Variants in PPP2R2C observed in about 807,000 individuals in gnomAD.
The protein encoded by PPP2R2C is protein phosphatase 2, regulatory subunit B, gamma.
PPP2R2C carries 10 observed loss-of-function variants against 45.3 expected under a neutral mutation model. That is an observed-to-expected ratio of 0.22 (90% CI 0.14 to 0.37). PPP2R2C has a LOEUF of 0.37. PPP2R2C is among the 10% of genes least tolerant of loss of function. The probability of loss-of-function intolerance (pLI) is 1.00; values close to 1 mark genes in which losing one functional copy is unlikely to be tolerated. For synonymous variants in PPP2R2C, 257 were observed against 245.4 expected (o/e 1.05, Z -0.44); for missense variants, 308 against 619.7 (o/e 0.50, Z 5.34).
chr4:6,392,498 A>C (rs1716715262), intron 1 of PPP2R2C, among the ~76,000 whole-genome samples: 1 of 152,200 alleles, frequency 6.6e-6, no homozygotes, highest in Non-Finnish European at 1.5e-5. Context: ...GGGGAGACGC[A>C]TTTGAGCAGA....
At chr4:6,379,605 C>A (rs1368147427) in intron 2 of PPP2R2C, among the ~76,000 whole-genome samples, 1 of 152,244 alleles carries the variant, frequency 6.6e-6, no homozygotes, top group East Asian at 1.9e-4. Flanking sequence ...CGATCTCTTT[C>A]TGCAGCTTGG....
At chr4:6,455,548 C>A (rs947291406) in intron 1 of PPP2R2C, among the ~76,000 whole-genome samples, 1 of 152,186 alleles carries the variant, frequency 6.6e-6, no homozygotes, top group African/African-American at 2.4e-5. Context: ...CTCTCCACCC[C>A]ACAACGTTCA....
chr4:6,409,935 A>G (rs958429960), intron 1 of PPP2R2C, among the ~76,000 whole-genome samples: 13 of 152,202 alleles, frequency 8.5e-5, no homozygotes, highest in African/African-American at 2.9e-4. Context: ...TTCACCTCCA[A>G]CTGAGGCCTT....
chr4:6,378,338 T>C lies in PPP2R2C; in HGVS notation c.334+69A>G. 6.2e-7 allele frequency: 1 copy of C among 1,605,778 alleles called. No homozygotes were observed. The highest frequency in any genetic ancestry group is 1.1e-5 in the South Asian group (1 of 90,112). ...AAAAATGCTCACAATATAAGTGAAA[T>C]ACAAACCAGCATTTGGTAGAAACAT... On this transcript the variant is annotated intron_variant, in intron 3 of 8. Transcript: ENST00000382599. This position sits in a 1 kb window ranked among gnomAD's most constrained non-coding sequence, Gnocchi z 5.2.
At chr4:6,440,746 A>C (rs1263777816) in intron 1 of PPP2R2C, among the ~76,000 whole-genome samples, 2 of 152,148 alleles carry the variant, frequency 1.3e-5, no homozygotes, top group Non-Finnish European at 2.9e-5. Flanking sequence ...CTGAGTCTGT[A>C]TCTCACCATG....
intron 2 of PPP2R2C, among the ~76,000 whole-genome samples, chr4:6,491,513 G>A (rs1722699119): frequency 6.6e-6 from 1 of 152,242 alleles, no homozygotes; most frequent in African/African-American, 2.4e-5. Context: ...TCAAACAGGA[G>A]GGTGGCAAGG....
At chr4:6,397,227 A>C (rs1382819072) in intron 1 of PPP2R2C, among the ~76,000 whole-genome samples, 2 of 152,112 alleles carry the variant, frequency 1.3e-5, no homozygotes. Context: ...GCCCCTACCC[A>C]TGCCATCCCG....
At chr4:6,537,760 C>T (rs1639451775) in intron 1 of PPP2R2C, among the ~76,000 whole-genome samples, 1 of 152,086 alleles carries the variant, frequency 6.6e-6, no homozygotes, top group African/African-American at 2.4e-5. Flanking sequence ...CTATGTTAGC[C>T]AGGATGGTCT....
chr4:6,540,735 G>T (rs1480385754), intron 1 of PPP2R2C, among the ~76,000 whole-genome samples: 6 of 150,030 alleles, frequency 4.0e-5, no homozygotes, highest in Non-Finnish European at 7.3e-5. Context: ...CATGAAGATG[G>T]GTGTGCTCAG....
At chr4:6,354,121 G>T (rs1188532542) in intron 5 of PPP2R2C, among the ~76,000 whole-genome samples, 2 of 150,484 alleles carry the variant, frequency 1.3e-5, no homozygotes. Context: ...CTCAGCCCAG[G>T]CCATCAGCAT....
rs936667703 is a variant in PPP2R2C at position 6,368,742 on chromosome 4, T to C, written c.625+3781A>G. ...CCGCCTCCCACCCGTGGCCACGCTC[T>C]GGCCCTGCCTCTCACTCTCTCTCCC... On this transcript the variant is annotated intron_variant, in intron 5 of 8. Coordinates refer to ENST00000382599, the MANE Select transcript of PPP2R2C (RefSeq NM_020416.4). The surrounding 1 kb of genome is among the most constrained non-coding windows in gnomAD (Gnocchi z 4.2). 1.3e-5 allele frequency among the ~76,000 whole-genome samples: 2 copies of C among 152,154 alleles called. No homozygotes were observed. The highest frequency in any genetic ancestry group is 2.9e-5 in the Non-Finnish European group (2 of 68,018).
At chr4:6,466,076 C>G (rs1318689571) in intron 1 of PPP2R2C, among the ~76,000 whole-genome samples, 1 of 152,218 alleles carries the variant, frequency 6.6e-6, no homozygotes, top group Non-Finnish European at 1.5e-5. Context: ...ATGAGAACAT[C>G]AATGCCTTGG....
rs1485289537 is a variant in PPP2R2C, at chr4:6,368,851, C to T, written c.625+3672G>A. Among the ~76,000 whole-genome samples, 1 of 152,160 alleles carries T rather than the reference C, an allele frequency of 6.6e-6. No homozygotes were observed. The highest frequency in any genetic ancestry group is 2.4e-5 in the African/African-American group (1 of 41,442). On this transcript the variant is annotated intron_variant, in intron 5 of 8. Transcript: ENST00000382599. This position sits in a 1 kb window ranked among gnomAD's most constrained non-coding sequence, Gnocchi z 4.2. ...ACGACACACACCCACGACATACACA[C>T]CTCCAAAGCTGGCTAGTGACACGCC...
intron 1 of PPP2R2C, among the ~76,000 whole-genome samples, chr4:6,419,468 G>T (rs893469221): frequency 1.3e-5 from 2 of 151,808 alleles, no homozygotes; most frequent in African/African-American, 4.8e-5. Context: ...GAAAAGAAAA[G>T]AAAAATATGC....
chr4:6,506,192 A>C (rs926518792), intron 2 of PPP2R2C, among the ~76,000 whole-genome samples: 53 of 152,154 alleles, frequency 3.5e-4, no homozygotes, highest in Non-Finnish European at 1.2e-4. Flanking sequence ...GATAATGGAC[A>C]ACTGATTGAA....
At chr4:6,466,215 A>G (rs34975943) in intron 1 of PPP2R2C, among the ~76,000 whole-genome samples, 74,648 of 152,106 alleles carry the variant, frequency 0.49, 20,874 homozygotes, top group Non-Finnish European at 0.65. Flanking sequence ...GGGAGCCAAT[A>G]TGTGTAACCA....
Position 6,472,390 on chromosome 4 carries a change from G to A in PPP2R2C, c.-161C>T, listed in dbSNP as rs1721953453. The stretch of plus-strand genomic sequence containing the variant: ...CATCGCGGCAGGGGGACGGGCGGGG[G>A]CGGCCGGGGGCGGGCGCCGCGGTCA... On this transcript the variant is annotated 5_prime_UTR_variant, in exon 1 of 9. Transcript: ENST00000382599. The A allele has an allele frequency of 1.1e-5, 10 of 946,556 alleles. No individual in the cohort carries two copies. Among genetic ancestry groups the A allele is most frequent in the Non-Finnish European group, 1.3e-5 (10 of 793,296 alleles). The allele number at this position is 946,556 out of a possible 1,614,324, so 58.6% of individuals were successfully genotyped here.
At chr4:6,499,111 C>T (rs766322260) in intron 2 of PPP2R2C, among the ~76,000 whole-genome samples, 8 of 152,206 alleles carry the variant, frequency 5.3e-5, no homozygotes, top group East Asian at 3.9e-4. Flanking sequence ...GCAAACCAGG[C>T]GGCTACTCCT....
intron 1 of PPP2R2C, chr4:6,383,519 G>C (rs186798270): frequency 6.3e-6 from 6 of 952,518 alleles, no homozygotes; most frequent in Non-Finnish European, 8.7e-6. Flanking sequence ...CTGCTCTCTC[G>C]GCCTGCAGTG....
Sources: gnomAD v4.1 joint callset for allele counts (sites outside exome capture counted in the v4.1 genomes callset) on GRCh38, gnomAD v4.1.1 for gene constraint, Gnocchi (gnomAD v3.1) non-coding constraint, MANE v1.5 for transcripts, NCBI Gene and HGNC (gene_info 2026-07-23, HGNC 2026-07-21) for gene names.